The following NSRP1 variants were observed in gnomAD, a reference collection of about 807,000 sequenced individuals.
NSRP1 encodes nuclear speckle splicing regulatory protein 1.
In NSRP1, 24 loss-of-function variants were observed where a neutral mutation model predicts 54.7. The ratio of observed to expected loss-of-function variants is 0.44; its 90% CI spans 0.32 to 0.62. NSRP1 has a LOEUF of 0.62. Ranked by LOEUF, NSRP1 falls within the 20% of genes least tolerant of loss-of-function variation. The pLI is 0.06. For synonymous variants in NSRP1, 210 were observed against 213.8 expected (o/e 0.98, Z 0.15); for missense variants, 596 against 651.2 (o/e 0.92, Z 0.92).
At position 30,185,120 on chromosome 17, in the gene NSRP1, G is replaced by A. The variant is rs1460538053; in HGVS notation, c.1123G>A (p.Asp375Asn). 1 of 1,610,848 alleles carries A rather than the reference G, an allele frequency of 6.2e-7. No homozygotes were observed. The highest frequency in any genetic ancestry group is 1.1e-5 in the South Asian group (1 of 90,678). Residue 375 changes from aspartate to asparagine, a missense_variant, in exon 7 of 7, where the codon GAC (aspartate) becomes AAC (asparagine). Physicochemically the swap from Asp to Asn is conservative, Grantham distance 23 (BLOSUM62 1). Coordinates refer to ENST00000247026, the MANE Select transcript of NSRP1 (RefSeq NM_032141.4). Reference protein sequence around the residue: ...PRARDQRERSDRVWKREKDRE... With the variant: ...PRARDQRERSNRVWKREKDRE... ...GGCGAGGGACCAAAGAGAAAGAAGT[G>A]ACAGAGTATGGAAAAGGGAGAAAGA...
intron 2 of NSRP1, among the ~76,000 whole-genome samples, chr17:30,166,794 C>T (rs764952770): frequency 4.3e-4 from 66 of 152,034 alleles, no homozygotes; most frequent in Admixed American, 4.1e-3. Flanking sequence ...CGCATGGTGG[C>T]GCACACTTGT....
chr17:30,181,767 G>A (rs1375660921), intron 6 of NSRP1, among the ~76,000 whole-genome samples: 2 of 151,778 alleles, frequency 1.3e-5, no homozygotes, highest in African/African-American at 2.4e-5. Flanking sequence ...CATGCACTAC[G>A]CCCGGCTAAT....
At chr17:30,142,136 A>G (rs2071811213) in intron 2 of NSRP1, among the ~76,000 whole-genome samples, 1 of 152,094 alleles carries the variant, frequency 6.6e-6, no homozygotes, top group South Asian at 2.1e-4. Context: ...ATCTCGTCCA[A>G]CCTTAATTCT....
Position 30,120,385 on chromosome 17 carries a change from TG to T in NSRP1, c.114+2214del, listed in dbSNP as rs373709291. Reference sequence around the variant, plus strand: ...CGTAGCCAACTAGAATATTTTCAAATGGAATATTGAGGAAGTTACTAATTAC... The same window carrying T: ...CGTAGCCAACTAGAATATTTTCAAATGAATATTGAGGAAGTTACTAATTAC... On this transcript the variant is annotated intron_variant, in intron 2 of 6. Coordinates refer to ENST00000247026, the MANE Select transcript of NSRP1 (RefSeq NM_032141.4). 2.5e-3 allele frequency among the ~76,000 whole-genome samples: 385 copies of T among 152,352 alleles called. 1 individual carries two copies. The highest frequency in any genetic ancestry group is 6.6e-3 in the African/African-American group (273 of 41,596).
intron 6 of NSRP1, among the ~76,000 whole-genome samples, chr17:30,183,047 A>G (rs894414052): frequency 1.3e-5 from 2 of 152,164 alleles, no homozygotes; most frequent in Non-Finnish European, 2.9e-5. Context: ...TGGTTGCCAT[A>G]CTGGGGACAG....
chr17:30,145,874 A>G (rs1166305125), intron 2 of NSRP1, among the ~76,000 whole-genome samples: 2 of 152,072 alleles, frequency 1.3e-5, no homozygotes, highest in East Asian at 1.9e-4. Context: ...GTTTTAGACA[A>G]GGACCCACAC....
chr17:30,137,861 A>C (rs991220880), intron 2 of NSRP1, among the ~76,000 whole-genome samples: 2 of 152,246 alleles, frequency 1.3e-5, no homozygotes, highest in Non-Finnish European at 2.9e-5. Flanking sequence ...TAAAATATGC[A>C]TAACATAAAA....
intron 2 of NSRP1, among the ~76,000 whole-genome samples, chr17:30,160,751 G>A (rs1207945483): frequency 3.3e-5 from 5 of 152,160 alleles, no homozygotes; most frequent in African/African-American, 1.2e-4. Context: ...ATCATCTGGT[G>A]TGTAGAAGAC....
chr17:30,131,234 T>A (rs994635512), intron 2 of NSRP1, among the ~76,000 whole-genome samples: 1 of 152,238 alleles, frequency 6.6e-6, no homozygotes, highest in Non-Finnish European at 1.5e-5. Context: ...GTTATTTTAG[T>A]CTTCAATATA....
chr17:30,135,293 A>AT lies in NSRP1; in HGVS notation c.114+17130dup, dbSNP rs1460996483. On this transcript the variant is annotated intron_variant, in intron 2 of 6. Transcript: ENST00000247026. Reference sequence around the variant, plus strand: ...GCCACCATGCCCAGCTAATTTTTGTATTTTTTTTTTGTAGAGACAGGATTT... The same window carrying AT: ...GCCACCATGCCCAGCTAATTTTTGTATTTTTTTTTTTGTAGAGACAGGATTT... 1.9e-3 allele frequency among the ~76,000 whole-genome samples: 258 copies of AT among 134,064 alleles called. 1 individual carries two copies. The highest frequency in any genetic ancestry group is 6.1e-3 in the African/African-American group (221 of 36,154). The allele number at this position is 134,064 out of a possible 152,430, so 88.0% of individuals were successfully genotyped here.
chr17:30,146,529 T>G (rs930706696), intron 2 of NSRP1, among the ~76,000 whole-genome samples: 1 of 152,032 alleles, frequency 6.6e-6, no homozygotes, highest in Non-Finnish European at 1.5e-5. Context: ...ACACCCCTCC[T>G]AGACTTTATG....
chr17:30,181,988 C>A (rs1164835718), intron 6 of NSRP1, among the ~76,000 whole-genome samples: 1 of 151,482 alleles, frequency 6.6e-6, no homozygotes, highest in Non-Finnish European at 1.5e-5. Context: ...GAGGGATCCC[C>A]CCTCTATCTC....
intron 2 of NSRP1, among the ~76,000 whole-genome samples, chr17:30,134,285 C>T (rs946675392): frequency 6.6e-6 from 1 of 152,174 alleles, no homozygotes; most frequent in Non-Finnish European, 1.5e-5. Context: ...TTGTTGATTA[C>T]AGATCATTGT....
At position 30,169,827 on chromosome 17, in the gene NSRP1, T is replaced by C. The variant is rs1468651283; in HGVS notation, c.115-2715T>C. Among the ~76,000 whole-genome samples, 3 of 151,942 alleles carry C rather than the reference T, an allele frequency of 2.0e-5. No individual in the cohort carries two copies. The East Asian group carries it at 5.8e-4, about 29-fold the overall frequency. ...TTGTCTGTGGTCATAGAGAACTATT[T>C]TGTTCTGGTTATTACCATGAAAAAA... On this transcript the variant is annotated intron_variant, in intron 2 of 6. Coordinates refer to ENST00000247026, the MANE Select transcript of NSRP1 (RefSeq NM_032141.4).
chr17:30,117,079 A>G (rs2071541283), intron 1 of NSRP1: 4 of 772,942 alleles, frequency 5.2e-6, no homozygotes, highest in African/African-American at 3.4e-5. Flanking sequence ...TTGTGAGGAA[A>G]TAAAGGAAGT....
chr17:30,133,393 T>C (rs1008696539), intron 2 of NSRP1, among the ~76,000 whole-genome samples: 12 of 152,210 alleles, frequency 7.9e-5, no homozygotes, highest in Non-Finnish European at 1.5e-4. Flanking sequence ...GATAACCCGA[T>C]GCATTGTCAG....
In NSRP1 at chr17:30,182,117, G is replaced by C. The variant is rs189222485; in HGVS notation, c.617+1101G>C. ...CCTCATGATCCTTAAAATGATTGGTGCCTGGTACCTTAAAATGATTTTGCT... is the reference window on the plus strand; with the variant it reads ...CCTCATGATCCTTAAAATGATTGGTCCCTGGTACCTTAAAATGATTTTGCT... On this transcript the variant is annotated intron_variant, in intron 6 of 6. Coordinates refer to ENST00000247026, the MANE Select transcript of NSRP1 (RefSeq NM_032141.4). Among the ~76,000 whole-genome samples the C allele has an allele frequency of 4.1e-5, 6 of 146,050 alleles. No homozygotes were observed. The Admixed American group carries it at 4.2e-4, about 10-fold the overall frequency.
intron 3 of NSRP1, 54 bp from the exon 4 acceptor site, chr17:30,178,017 G>A: frequency 1.9e-6 from 3 of 1,567,192 alleles, no homozygotes; most frequent in South Asian, 1.1e-5. Context: ...CATAGACTTT[G>A]TTGTATCTAT....
chr17:30,141,546 G>T (rs561720932), intron 2 of NSRP1, among the ~76,000 whole-genome samples: 91 of 151,986 alleles, frequency 6.0e-4, no homozygotes, highest in Non-Finnish European at 1.2e-3. Context: ...TTAATAAATG[G>T]TCACATTTTG....
Sources: gnomAD v4.1 joint callset for allele counts (sites outside exome capture counted in the v4.1 genomes callset) on GRCh38, gnomAD v4.1.1 for gene constraint, MANE v1.5 for transcripts, NCBI Gene and HGNC (gene_info 2026-07-23, HGNC 2026-07-21) for gene names.